NAPEPLD: variants seen among roughly 807,000 people sequenced by gnomAD.
NAPEPLD encodes the protein N-acyl phosphatidylethanolamine phospholipase D.
In NAPEPLD, 23 loss-of-function variants were observed where a neutral mutation model predicts 38.1. That is an observed-to-expected ratio of 0.60 (90% confidence interval 0.43 to 0.86). The LOEUF is 0.86. Among genes scored for constraint, NAPEPLD ranks in the 40% least tolerant of loss-of-function variants. NAPEPLD has a pLI of 0.00. For missense variants in NAPEPLD, 411 were observed against 476.8 expected (o/e 0.86, Z 1.28); for synonymous variants, 147 against 162.0 (o/e 0.91, Z 0.71).
chr7:103,110,316 T>C (rs1162972765), intron 4 of NAPEPLD, among the ~76,000 whole-genome samples: 2 of 152,184 alleles, frequency 1.3e-5, no homozygotes, highest in Admixed American at 6.5e-5. Flanking sequence ...ATATCCCTGA[T>C]GAACATCGAT....
At chr7:103,141,663 C>G (rs146496282) in intron 1 of NAPEPLD, 24,597 of 909,648 alleles carry the variant, frequency 0.027, 449 homozygotes, top group South Asian at 0.032. Context: ...ATCCACGTGA[C>G]CTTCTCTGGC....
chr7:103,137,481 A>G (rs1810306425), intron 1 of NAPEPLD, among the ~76,000 whole-genome samples: 1 of 152,128 alleles, frequency 6.6e-6, no homozygotes. Context: ...TGGAATCCTT[A>G]GGGTGATCAA....
chr7:103,139,498 G>C (rs1810774070), intron 1 of NAPEPLD, among the ~76,000 whole-genome samples: 1 of 152,202 alleles, frequency 6.6e-6, no homozygotes, highest in African/African-American at 2.4e-5. Flanking sequence ...GTGCTGAGCG[G>C]TCCACAGTGA....
At chr7:103,124,636 A>C (rs1009733994) in intron 2 of NAPEPLD, among the ~76,000 whole-genome samples, 1 of 152,156 alleles carries the variant, frequency 6.6e-6, no homozygotes, top group African/African-American at 2.4e-5. Context: ...CAAGACTCAT[A>C]ATTAACCAGT....
intron 1 of NAPEPLD, among the ~76,000 whole-genome samples, chr7:103,139,428 A>G (rs1810755465): frequency 6.6e-6 from 1 of 152,230 alleles, no homozygotes; most frequent in Non-Finnish European, 1.5e-5. Context: ...ACTTTAGAAT[A>G]AGGCATTTCC....
intron 4 of NAPEPLD, among the ~76,000 whole-genome samples, chr7:103,106,536 C>A (rs577273282): frequency 2.6e-5 from 4 of 152,294 alleles, no homozygotes; most frequent in Admixed American, 2.0e-4. Flanking sequence ...CAGTCTGACC[C>A]TGACCTGGGA....
intron 4 of NAPEPLD, among the ~76,000 whole-genome samples, chr7:103,108,503 G>A (rs569786399): frequency 2.0e-5 from 3 of 152,246 alleles, no homozygotes; most frequent in African/African-American, 4.8e-5. Context: ...GCTTCAAAGC[G>A]AAGGTGAAAT....
chr7:103,131,648 ACT>A (rs1808952991), intron 1 of NAPEPLD, among the ~76,000 whole-genome samples: 2 of 150,506 alleles, frequency 1.3e-5, no homozygotes, highest in South Asian at 4.2e-4. Context: ...TGACAGTGAG[ACT>A]CTGTCTCAAG....
At position 103,103,572 on chromosome 7, in the gene NAPEPLD, A is replaced by C. The variant is rs1212914812; in HGVS notation, c.1057-18T>G. 2.6e-6 allele frequency: 4 copies of C among 1,565,700 alleles called. No homozygotes were observed. The African/African-American group carries it at 5.6e-5, about 22-fold the overall frequency. Reference sequence around the variant, plus strand: ...AAGTAATGCTGGCCAAAGAGAAAGAAGAAAAATAGAAAAAGATTAAACATA... The same window carrying C: ...AAGTAATGCTGGCCAAAGAGAAAGACGAAAAATAGAAAAAGATTAAACATA... On this transcript the variant is annotated intron_variant, in intron 4 of 4. Transcript: ENST00000465647.
chr7:103,134,978 A>G (rs1330615669), intron 1 of NAPEPLD, among the ~76,000 whole-genome samples: 4 of 152,258 alleles, frequency 2.6e-5, no homozygotes, highest in Non-Finnish European at 1.5e-5. Context: ...AGATTTGCCA[A>G]CTGCCTAGAA....
intron 1 of NAPEPLD, chr7:103,148,155 G>A: frequency 2.1e-6 from 2 of 931,912 alleles, no homozygotes; most frequent in African/African-American, 1.8e-5. Flanking sequence ...AACAAACATG[G>A]GAATTATTTC....
At chr7:103,120,701 C>CTTT (rs869141133) in intron 2 of NAPEPLD, among the ~76,000 whole-genome samples, 45,367 of 81,428 alleles carry the variant, frequency 0.56, 17,821 homozygotes, top group East Asian at 0.83. Context: ...TGATATTTTT[C>CTTT]TTTTTTTTTT....
chr7:103,100,699 A>G lies in NAPEPLD; in HGVS notation c.*2730T>C, dbSNP rs561404179. The G allele has an allele frequency of 5.9e-5, 9 of 152,344 alleles. No individual in the cohort carries two copies. The highest frequency in any genetic ancestry group is 1.4e-4 in the African/African-American group (6 of 41,592). 9.4% of individuals were successfully genotyped at this position (152,344 alleles called of 1,614,324 possible). A position where few individuals can be genotyped will look rare whatever the true frequency, so the allele number is the denominator to read the frequency against. ...ATAAGACTGATTAAAAGACACTACA[A>G]TGCATATTAGACTGAATTGAAGAAG... On this transcript the variant is annotated 3_prime_UTR_variant, in exon 5 of 5. Transcript: ENST00000465647.
At chr7:103,141,538 GT>G in intron 1 of NAPEPLD, 6 of 1,378,350 alleles carry the variant, frequency 4.4e-6, no homozygotes, top group Non-Finnish European at 5.2e-6. Context: ...GAATCTGCTT[GT>G]TTTTTAACAC....
At chr7:103,126,888 A>G (rs1427658855) in intron 2 of NAPEPLD, 2 of 148,310 alleles carry the variant, frequency 1.3e-5, no homozygotes, top group Non-Finnish European at 3.0e-5. Flanking sequence ...TCAGCCTCCC[A>G]AAGTGTGGGT....
At chr7:103,144,185 A>G (rs75305296) in intron 1 of NAPEPLD, among the ~76,000 whole-genome samples, 8,228 of 152,290 alleles carry the variant, frequency 0.054, 296 homozygotes, top group African/African-American at 0.1. Context: ...TGTTGAATCT[A>G]CAAGGAAAAT....
At chr7:103,132,058 G>A (rs1214319039) in intron 1 of NAPEPLD, among the ~76,000 whole-genome samples, 5 of 152,186 alleles carry the variant, frequency 3.3e-5, no homozygotes, top group Admixed American at 3.3e-4. Context: ...AGGTTGCGGA[G>A]ACTCCGTCTA....
chr7:103,131,265 G>A (rs12539672), intron 1 of NAPEPLD, among the ~76,000 whole-genome samples: 1 of 151,958 alleles, frequency 6.6e-6, no homozygotes, highest in Non-Finnish European at 1.5e-5. Context: ...AGGGATAAGG[G>A]AGAAAGGAAA....
At position 103,120,158 on chromosome 7, in the gene NAPEPLD, C is replaced by A. The variant is rs189941071; in HGVS notation, c.360G>T (p.Val120=). The part of the protein sequence containing the change: ...YFITNPEEAG[V]REAGLRVTWL... ...ATGTGACTCTTAAGCCAGCTTCCCT[C>A]ACTCCAGCTTCTTCAGGGTTAGTGA... Residue 120 remains valine (V), a synonymous_variant, in exon 3 of 5, where the codon GTG becomes GTT. Coordinates refer to ENST00000465647, the MANE Select transcript of NAPEPLD (RefSeq NM_001122838.3). 1 of 1,614,204 alleles carries A rather than the reference C, an allele frequency of 6.2e-7. No individual in the cohort carries two copies. Among genetic ancestry groups the A allele is most frequent in the South Asian group, 1.1e-5 (1 of 91,084 alleles).
Sources: gnomAD v4.1 joint callset for allele counts (sites outside exome capture counted in the v4.1 genomes callset) on GRCh38, gnomAD v4.1.1 for gene constraint, MANE v1.5 for transcripts, NCBI Gene and HGNC (gene_info 2026-07-23, HGNC 2026-07-21) for gene names.